SOX6: variants seen among roughly 807,000 people sequenced by gnomAD.
SOX6 encodes transcription factor SOX-6.
SOX6 carries 11 observed loss-of-function variants against 97.8 expected under a neutral mutation model. The ratio of observed to expected loss-of-function variants is 0.11; its 90% CI spans 0.07 to 0.19. SOX6 has a LOEUF of 0.19. SOX6 is among the 10% of genes least tolerant of loss of function. The pLI is 1.00. For missense variants in SOX6, 810 were observed against 1,039.5 expected (o/e 0.78, Z 3.04); for synonymous variants, 360 against 371.4 (o/e 0.97, Z 0.35).
At chr11:16,508,900 A>T (rs1042653024) in intron 4 of SOX6, among the ~76,000 whole-genome samples, 1 of 152,144 alleles carries the variant, frequency 6.6e-6, no homozygotes, top group Non-Finnish European at 1.5e-5. Context: ...CCCCGACATG[A>T]TCATTATACA....
intron 4 of SOX6, among the ~76,000 whole-genome samples, chr11:16,198,743 T>C (rs7122351): frequency 0.024 from 3,647 of 152,268 alleles, 146 homozygotes; most frequent in African/African-American, 0.083. Context: ...AAAATTATTA[T>C]AGCATCAATG....
At chr11:16,361,369 T>G (rs889046852), upstream of SOX6, among the ~76,000 whole-genome samples, 10 of 152,136 alleles carry the variant, frequency 6.6e-5, no homozygotes, top group African/African-American at 2.4e-4. Flanking sequence ...AAAAAAATTG[T>G]AAGCTCACAC....
intron 3 of SOX6, among the ~76,000 whole-genome samples, chr11:16,278,190 TC>T: frequency 6.6e-6 from 1 of 152,248 alleles, no homozygotes; most frequent in South Asian, 2.1e-4. Context: ...CTAGCTTACT[TC>T]CAAAATGCCA....
chr11:16,164,832 A>AAAAG (rs546133661), intron 6 of SOX6, among the ~76,000 whole-genome samples: 23 of 151,442 alleles, frequency 1.5e-4, no homozygotes, highest in Non-Finnish European at 2.7e-4. Context: ...AAAAAAAAAA[A>AAAAG]AAAGAAAGAA....
intron 4 of SOX6, among the ~76,000 whole-genome samples, chr11:16,542,172 G>T (rs1861419642): frequency 6.6e-6 from 1 of 152,168 alleles, no homozygotes; most frequent in Non-Finnish European, 1.5e-5. Flanking sequence ...CAGGGACATG[G>T]ATGAAGCTGG....
intron 3 of SOX6, among the ~76,000 whole-genome samples, chr11:16,652,059 A>T (rs560698542): frequency 1.1e-4 from 17 of 152,338 alleles, no homozygotes; most frequent in African/African-American, 2.9e-4. Context: ...CTAACCAAGG[A>T]GGTGAAAGAT....
chr11:15,985,121 G>A (rs1228312474), intron 15 of SOX6, among the ~76,000 whole-genome samples: 1 of 152,124 alleles, frequency 6.6e-6, no homozygotes, highest in African/African-American at 2.4e-5. Context: ...CCCAGACTAC[G>A]TTCATTGGCT....
chr11:16,134,893 T>C (rs1282853323), intron 6 of SOX6, among the ~76,000 whole-genome samples: 1 of 152,206 alleles, frequency 6.6e-6, no homozygotes, highest in Non-Finnish European at 1.5e-5. Context: ...ATCTAGAACT[T>C]TCACCACTAG....
At chr11:16,521,644 C>T (rs571239319) in intron 4 of SOX6, among the ~76,000 whole-genome samples, 35 of 152,128 alleles carry the variant, frequency 2.3e-4, no homozygotes, top group African/African-American at 6.8e-4. Flanking sequence ...ATTACTTTGA[C>T]GAGTTAAGAG....
At chr11:16,680,788 A>C (rs1245283596) in intron 3 of SOX6, among the ~76,000 whole-genome samples, 1 of 152,252 alleles carries the variant, frequency 6.6e-6, no homozygotes, top group Non-Finnish European at 1.5e-5. Flanking sequence ...TGGAAAACAA[A>C]AAAACGCAGG....
In SOX6 at chr11:16,076,404, G is replaced by A. The variant is rs531727684; in HGVS notation, c.1101+19592C>T. On this transcript the variant is annotated intron_variant, in intron 9 of 15. Coordinates refer to ENST00000683767, the MANE Select transcript of SOX6 (RefSeq NM_001367873.1). ...ATCTATAAGGAACTTAAATCAATAA[G>A]CAAAAAAAAAAAAAAAGAACCCCAG... 8.0e-3 allele frequency among the ~76,000 whole-genome samples: 958 copies of A among 119,824 alleles called. 17 individuals are homozygous for A. Among genetic ancestry groups the A allele is most frequent in the African/African-American group, 0.031 (902 of 28,854 alleles). 78.6% of individuals were successfully genotyped at this position (119,824 alleles called of 152,430 possible).
At chr11:16,445,129 C>G (rs1398272447) in intron 1 of SOX6, among the ~76,000 whole-genome samples, 1 of 152,096 alleles carries the variant, frequency 6.6e-6, no homozygotes, top group East Asian at 1.9e-4. Flanking sequence ...AATCCTGAAT[C>G]AAGAATAGAA....
intron 6 of SOX6, among the ~76,000 whole-genome samples, chr11:16,173,922 T>C (rs1374615877): frequency 6.6e-6 from 1 of 151,510 alleles, no homozygotes; most frequent in Non-Finnish European, 1.5e-5. Context: ...CATAGCTCAA[T>C]GCAGCCTAAA....
intron 9 of SOX6, among the ~76,000 whole-genome samples, chr11:16,087,427 C>G (rs983035589): frequency 2.0e-5 from 3 of 152,022 alleles, no homozygotes; most frequent in African/African-American, 7.2e-5. Context: ...ATGAACAGTT[C>G]CCAGGTTCTC....
intron 6 of SOX6, among the ~76,000 whole-genome samples, chr11:16,174,969 T>C (rs1209202591): frequency 6.6e-6 from 1 of 151,934 alleles, no homozygotes; most frequent in East Asian, 1.9e-4. Context: ...GCTGCTCTAA[T>C]ACTTGGTCAA....
At chr11:16,015,952 G>T (rs1190182200) in intron 12 of SOX6, among the ~76,000 whole-genome samples, 5 of 152,038 alleles carry the variant, frequency 3.3e-5, no homozygotes, top group Admixed American at 3.3e-4. Flanking sequence ...TGAATTTACA[G>T]ACATGAAATA....
chr11:16,141,355 T>G (rs987462794), intron 6 of SOX6, among the ~76,000 whole-genome samples: 10 of 152,080 alleles, frequency 6.6e-5, no homozygotes, highest in Non-Finnish European at 1.2e-4. Context: ...GCTTCATCTT[T>G]CCCAATAAAA....
chr11:16,464,792 T>C (rs995478771), intron 1 of SOX6, among the ~76,000 whole-genome samples: 10 of 152,178 alleles, frequency 6.6e-5, no homozygotes, highest in African/African-American at 2.2e-4. Flanking sequence ...ATTGTTCTCA[T>C]TGGTTTTTAC....
chr11:16,175,812 C>T (rs1016721333), intron 6 of SOX6, among the ~76,000 whole-genome samples: 2 of 151,648 alleles, frequency 1.3e-5, no homozygotes, highest in Admixed American at 1.3e-4. Context: ...TTTTCATACA[C>T]CTTCTCCAAA....
Sources: allele counts gnomAD v4.1 joint callset (sites outside exome capture counted in the v4.1 genomes callset), GRCh38; gene constraint gnomAD v4.1.1; transcripts MANE v1.5; gene names NCBI Gene and HGNC (gene_info 2026-07-23, HGNC 2026-07-21).